XKR6: variants seen among roughly 807,000 people sequenced by gnomAD.
XKR6 encodes the protein XK-related protein 6.
A neutral mutation model predicts 56.7 loss-of-function variants in XKR6; 22 were observed. The observed-to-expected ratio is 0.39, with a 90% CI of 0.28 to 0.55. XKR6 has a LOEUF of 0.55. Among genes scored for constraint, XKR6 ranks in the 20% least tolerant of loss-of-function variants. XKR6 has a pLI of 0.66. For missense variants in XKR6, 852 were observed against 889.0 expected (o/e 0.96, Z 0.53); for synonymous variants, 524 against 387.8 (o/e 1.35, Z -4.13).
At chr8:11,115,222 T>C (rs1799116645) in intron 1 of XKR6, among the ~76,000 whole-genome samples, 1 of 152,264 alleles carries the variant, frequency 6.6e-6, no homozygotes, top group Non-Finnish European at 1.5e-5. Flanking sequence ...CTCTTCAGTA[T>C]GAAGCTTCTG....
At chr8:10,914,206 C>T (rs1280070921) in intron 2 of XKR6, among the ~76,000 whole-genome samples, 3 of 152,128 alleles carry the variant, frequency 2.0e-5, no homozygotes, top group African/African-American at 7.2e-5. Context: ...CTGTAACCGC[C>T]GCAACCATGC....
At chr8:11,158,900 A>T (rs1326441940) in intron 1 of XKR6, among the ~76,000 whole-genome samples, 1 of 152,240 alleles carries the variant, frequency 6.6e-6, no homozygotes, top group Non-Finnish European at 1.5e-5. Flanking sequence ...CAAGCCAAGA[A>T]CATAAAATGA....
chr8:11,014,386 C>T (rs1007827296), intron 1 of XKR6, among the ~76,000 whole-genome samples: 1 of 152,196 alleles, frequency 6.6e-6, no homozygotes, highest in African/African-American at 2.4e-5. Context: ...AACTATTAAC[C>T]TGTGCTGGCC....
At chr8:11,083,644 G>A (rs1453317024) in intron 1 of XKR6, among the ~76,000 whole-genome samples, 1 of 152,182 alleles carries the variant, frequency 6.6e-6, no homozygotes, top group Non-Finnish European at 1.5e-5. Flanking sequence ...TAGAGAAAAA[G>A]CCAAATGCAT....
chr8:11,041,580 G>T (rs1033257380), intron 1 of XKR6, among the ~76,000 whole-genome samples: 1 of 151,752 alleles, frequency 6.6e-6, no homozygotes, highest in African/African-American at 2.4e-5. Context: ...ATCAACTTAG[G>T]TTTTGGGAAT....
chr8:10,946,554 G>GT (rs1465610735), intron 1 of XKR6, among the ~76,000 whole-genome samples: 1 of 151,888 alleles, frequency 6.6e-6, no homozygotes, highest in Non-Finnish European at 1.5e-5. Context: ...GTGTCCTGCG[G>GT]TTTTCCCTCC....
chr8:11,201,140 C>G lies in XKR6; in HGVS notation c.200G>C (p.Trp67Ser), dbSNP rs1804206212. Reference protein sequence around the residue: ...CHCCNTSSCYWGCRSACLRSL... With the variant: ...CHCCNTSSCYSGCRSACLRSL... ...GCGCAGGCAGGCGGAGCGGCAGCCC[C>G]AGTAGCACGAGGAGGTGTTGCAGCA... The change falls in exon 1 of 3, where the codon TGG becomes TCG. Residue 67 changes from tryptophan to serine, a missense_variant. Trp to Ser is a radical substitution (Grantham distance 177, BLOSUM62 -3). Coordinates refer to ENST00000416569, the MANE Select transcript of XKR6 (RefSeq NM_173683.4). The G allele has an allele frequency of 6.6e-7, 1 of 1,519,224 alleles. No homozygotes were observed. The highest frequency in any genetic ancestry group is 8.8e-7 in the Non-Finnish European group (1 of 1,140,520). 94.1% of individuals were successfully genotyped at this position (1,519,224 alleles called of 1,614,324 possible).
intron 1 of XKR6, among the ~76,000 whole-genome samples, chr8:11,061,570 G>C (rs548175219): frequency 6.6e-6 from 1 of 152,214 alleles, no homozygotes; most frequent in African/African-American, 2.4e-5. Context: ...GCCTGTCTGG[G>C]TGAGTGTCTC....
chr8:10,953,573 A>G (rs1399689653), intron 1 of XKR6, among the ~76,000 whole-genome samples: 2 of 152,232 alleles, frequency 1.3e-5, no homozygotes, highest in Non-Finnish European at 2.9e-5. Context: ...GGGTCTTGCC[A>G]TGTTGCCCAG....
chr8:11,106,929 C>T (rs1232728801), intron 1 of XKR6, among the ~76,000 whole-genome samples: 2 of 151,584 alleles, frequency 1.3e-5, no homozygotes, highest in East Asian at 1.9e-4. Context: ...ATCCTTCAGC[C>T]CACATCTATT....
At chr8:10,983,450 A>G (rs1797780600) in intron 1 of XKR6, among the ~76,000 whole-genome samples, 1 of 152,084 alleles carries the variant, frequency 6.6e-6, no homozygotes, top group Non-Finnish European at 1.5e-5. Flanking sequence ...AAAAATATAA[A>G]TTACCAAAAC....
chr8:11,078,317 G>C (rs1800327143), intron 1 of XKR6, among the ~76,000 whole-genome samples: 1 of 152,182 alleles, frequency 6.6e-6, no homozygotes, highest in African/African-American at 2.4e-5. Context: ...TTGTCTTACA[G>C]AGAAATGAGA....
At chr8:11,002,079 A>C (rs796931623) in intron 1 of XKR6, among the ~76,000 whole-genome samples, 11 of 139,814 alleles carry the variant, frequency 7.9e-5, no homozygotes, top group East Asian at 4.0e-4. Context: ...AAAAAAAAAA[A>C]AACACACAAA....
intron 1 of XKR6, chr8:11,124,923 T>TAA (rs750680238): frequency 5.0e-5 from 6 of 119,652 alleles, no homozygotes; most frequent in Admixed American, 8.2e-5. Context: ...TCACTACTAT[T>TAA]AAAAAAAAAA....
chr8:11,158,208 G>A (rs1801620281), intron 1 of XKR6, among the ~76,000 whole-genome samples: 2 of 152,180 alleles, frequency 1.3e-5, no homozygotes, highest in African/African-American at 4.8e-5. Context: ...AATACAGTGT[G>A]CAATGGAAGC....
intron 1 of XKR6, among the ~76,000 whole-genome samples, chr8:10,940,592 G>C (rs1459839084): frequency 1.3e-5 from 2 of 152,142 alleles, no homozygotes; most frequent in Non-Finnish European, 2.9e-5. Flanking sequence ...CAGACGGCTG[G>C]TCCGGGAGCA....
chr8:10,956,909 C>A (rs988007064), intron 1 of XKR6, among the ~76,000 whole-genome samples: 2 of 152,162 alleles, frequency 1.3e-5, no homozygotes, highest in African/African-American at 4.8e-5. Context: ...ACCCTGGCAC[C>A]TTGCTTTTCT....
At chr8:10,984,451 G>C (rs1040825646) in intron 1 of XKR6, among the ~76,000 whole-genome samples, 1 of 151,772 alleles carries the variant, frequency 6.6e-6, no homozygotes, top group Non-Finnish European at 1.5e-5. Flanking sequence ...AACTTAATTA[G>C]AAAGACAGAT....
Position 11,200,628 on chromosome 8 carries a change from C to G in XKR6, c.712G>C (p.Val238Leu). 6.4e-7 allele frequency: 1 copy of G among 1,551,618 alleles called. No homozygotes were observed. The highest frequency in any genetic ancestry group is 8.6e-7 in the Non-Finnish European group (1 of 1,159,416). Residue 238 changes from valine (V) to leucine (L), a missense_variant, in exon 1 of 3, where the codon GTG becomes CTG. Physicochemically the swap from Val to Leu is conservative, Grantham distance 32 (BLOSUM62 1). Coordinates refer to ENST00000416569, the MANE Select transcript of XKR6 (RefSeq NM_173683.4). This position sits in a 1 kb window ranked among gnomAD's most constrained non-coding sequence, Gnocchi z 6.4. ...PGAQRLCRLS[V>L]WIWQSVIHLL... Reference sequence around the variant, plus strand: ...TGGATGACCGACTGCCAGATCCACACGGAGAGGCGACACAGGCGCTGCGCC... The same window carrying G: ...TGGATGACCGACTGCCAGATCCACAGGGAGAGGCGACACAGGCGCTGCGCC...
Sources: allele counts gnomAD v4.1 joint callset (sites outside exome capture counted in the v4.1 genomes callset), GRCh38; gene constraint gnomAD v4.1.1; non-coding constraint Gnocchi (gnomAD v3.1); transcripts MANE v1.5; gene names NCBI Gene and HGNC (gene_info 2026-07-23, HGNC 2026-07-21).